FAM217A: variants seen among roughly 807,000 people sequenced by gnomAD.
FAM217A encodes the protein protein FAM217A.
A neutral mutation model predicts 18.5 loss-of-function variants in FAM217A; 13 were observed. The observed-to-expected ratio is 0.70, with a 90% CI of 0.46 to 1.12. FAM217A has a LOEUF of 1.12. Among genes scored for constraint, FAM217A ranks in the 50% most tolerant of loss-of-function variants. The pLI, the probability that FAM217A is intolerant of heterozygous loss-of-function variation, is 0.00. For synonymous variants in FAM217A, 161 were observed against 202.8 expected, an observed-to-expected ratio of 0.79 and a Z score of 1.75; for missense variants, 560 against 575.4, an observed-to-expected ratio of 0.97 and a Z score of 0.27.
At chr6:4,080,644 G>A (rs2783063), upstream of FAM217A, among the ~76,000 whole-genome samples, 1 of 151,918 alleles carries the variant, frequency 6.6e-6, no homozygotes, top group Non-Finnish European at 1.5e-5. Flanking sequence ...TCCTAATGCC[G>A]GAAGGAGGAA....
chr6:4,082,739 T>C (rs913527997), upstream of FAM217A, among the ~76,000 whole-genome samples: 1 of 152,262 alleles, frequency 6.6e-6, no homozygotes, highest in East Asian at 1.9e-4. Flanking sequence ...GTCCATACTT[T>C]GTTGAACCTA....
chr6:4,072,064 C>A (rs999712077), intron 6 of FAM217A, among the ~76,000 whole-genome samples: 13 of 152,144 alleles, frequency 8.5e-5, no homozygotes, highest in African/African-American at 3.1e-4. Flanking sequence ...ATTCAGGGGC[C>A]GGGCACGGTG....
upstream of FAM217A, chr6:4,079,619 G>GCCCCCCCCCCCCCCCCCCCCCC: frequency 1.6e-6 from 2 of 1,281,928 alleles, no homozygotes; most frequent in Non-Finnish European, 2.0e-6. Flanking sequence ...CCGGGGCCCG[G>GCCCCCCCCCCCCCCCCCCCCCC]CCCACCCGCC....
upstream of FAM217A, among the ~76,000 whole-genome samples, chr6:4,081,434 C>A (rs558713831): frequency 1.1e-4 from 16 of 152,206 alleles, no homozygotes; most frequent in East Asian, 2.9e-3. Context: ...CTCCCTAGTT[C>A]CCTAGTAGCT....
chr6:4,069,778 G>C lies in FAM217A; in HGVS notation c.445C>G (p.Leu149Val). The change falls in exon 7 of 7, where the codon CTC becomes GTC. Residue 149 changes from leucine (L) to valine (V), a missense_variant. Transcript: ENST00000274673. ...TCTCCATCAGCATAGGGCCAGCAGA[G>C]ACCTAATGGCATTGGCAGTCCAGGG... is the stretch of plus-strand genomic sequence containing the variant. Reference protein sequence around the residue: ...PYPGLPMPLGLCWPYADGDFF... With the variant: ...PYPGLPMPLGVCWPYADGDFF... 6.2e-7 allele frequency: 1 copy of C among 1,614,148 alleles called. No individual in the cohort carries two copies. The highest frequency in any genetic ancestry group is 8.5e-7 in the Non-Finnish European group (1 of 1,180,020).
chr6:4,077,539 G>A (rs778040222), intron 1 of FAM217A, 91 bp from the exon 2 acceptor site: 53 of 1,078,504 alleles, frequency 4.9e-5, no homozygotes, highest in Non-Finnish European at 7.1e-5. Flanking sequence ...TCTAAAGGAG[G>A]TAAGAGAATG....
At chr6:4,079,273 C>T (rs896216553), upstream of FAM217A, 12 of 162,634 alleles carry the variant, frequency 7.4e-5, no homozygotes, top group South Asian at 1.2e-3. Flanking sequence ...GGTCACCCGG[C>T]CGCCGGGCCC....
At chr6:4,074,945 AT>A (rs1769678878) in intron 2 of FAM217A, among the ~76,000 whole-genome samples, 1 of 152,158 alleles carries the variant, frequency 6.6e-6, no homozygotes, top group Non-Finnish European at 1.5e-5. Context: ...TTCAAAATTG[AT>A]TTTTAAAATG....
At chr6:4,079,470 C>A (rs1490216111), upstream of FAM217A, 2 of 406,344 alleles carry the variant, frequency 4.9e-6, no homozygotes, top group East Asian at 1.8e-4. Flanking sequence ...TTCCCCCAGG[C>A]GTCCTGGACC....
upstream of FAM217A, chr6:4,079,617 C>CCG: frequency 7.8e-7 from 1 of 1,283,896 alleles, no homozygotes; most frequent in Non-Finnish European, 1.0e-6. Flanking sequence ...ACCCGGGGCC[C>CCG]GGCCCACCCG....
chr6:4,074,743 A>G, intron 2 of FAM217A, 82 bp from the exon 3 acceptor site: 1 of 1,046,388 alleles, frequency 9.6e-7, no homozygotes, highest in South Asian at 1.4e-5. Flanking sequence ...CTTGGGGTAA[A>G]GTATGACGAA....
At chr6:4,086,844 A>C (rs1770697842) in intron 1 of FAM217A, among the ~76,000 whole-genome samples, 1 of 152,178 alleles carries the variant, frequency 6.6e-6, no homozygotes. Flanking sequence ...TGTGCTATCA[A>C]GTGTGGTGAT....
chr6:4,073,429 C>T lies in FAM217A; in HGVS notation c.234+4G>A. 4 of 1,610,630 alleles carry T rather than the reference C, an allele frequency of 2.5e-6. No homozygotes were observed. The highest frequency in any genetic ancestry group is 3.4e-6 in the Non-Finnish European group (4 of 1,178,444). On this transcript the variant is annotated splice_donor_region_variant and intron_variant, in intron 5 of 6. Transcript: ENST00000274673. ...TTTTAAGGGTATGAAGAATAAAATCCCACCTGTGTACTTTTTTGACTATGC... is the reference window on the plus strand; with the variant it reads ...TTTTAAGGGTATGAAGAATAAAATCTCACCTGTGTACTTTTTTGACTATGC...
intron 4 of FAM217A, among the ~76,000 whole-genome samples, chr6:4,074,076 T>C (rs773820913): frequency 2.6e-5 from 4 of 152,172 alleles, no homozygotes; most frequent in Non-Finnish European, 5.9e-5. Context: ...GGTCTCAAAC[T>C]CCTGACCTCA....
chr6:4,084,865 G>T, intron 1 of FAM217A: 1 of 689,860 alleles, frequency 1.4e-6, no homozygotes, highest in Non-Finnish European at 2.6e-6. Context: ...TAAAAGATCA[G>T]CCTAACTAGA....
In FAM217A at chr6:4,069,320, AAT is replaced by A. The variant is rs772770662; in HGVS notation, c.901_902del (p.Ile301SerfsTer18). ...LELERLQHMT[I>X]QKERPRLQTT... ...TTTGTAGTCTTGGCCTCTCTTTTTG[AAT>A]AGTCATATGTTGTAATCGTTCTAGT... On this transcript the variant is annotated frameshift_variant, in exon 7 of 7. Coordinates refer to ENST00000274673, the MANE Select transcript of FAM217A (RefSeq NM_173563.3). LOFTEE classifies it low-confidence loss of function (END_TRUNC). 1 of 1,614,100 alleles carries A rather than the reference AAT, an allele frequency of 6.2e-7. No individual in the cohort carries two copies. The highest frequency in any genetic ancestry group is 8.5e-7 in the Non-Finnish European group (1 of 1,180,008).
At chr6:4,070,678 A>G (rs186995511) in intron 6 of FAM217A, among the ~76,000 whole-genome samples, 1 of 152,118 alleles carries the variant, frequency 6.6e-6, no homozygotes, top group African/African-American at 2.4e-5. Flanking sequence ...AGTTGACATT[A>G]AAGATAACAA....
chr6:4,068,827 A>C lies in FAM217A; in HGVS notation c.1396T>G (p.Phe466Val). Residue 466 changes from phenylalanine (F) to valine (V), a missense_variant, in exon 7 of 7, where the codon TTT becomes GTT. By Grantham distance (50) the Phe-to-Val change is conservative. Transcript: ENST00000274673. ...CGGTAAAGTTTCTTTTTGGTCCCAAAGTTTCTCTTCGGTGCCTTAATTTCT... is the reference window on the plus strand; with the variant it reads ...CGGTAAAGTTTCTTTTTGGTCCCAACGTTTCTCTTCGGTGCCTTAATTTCT... The part of the protein sequence containing the change: ...KEEIKAPKRN[F>V]GTKKKLYRQN... 1 of 1,614,162 alleles carries C rather than the reference A, an allele frequency of 6.2e-7. No individual in the cohort carries two copies. The highest frequency in any genetic ancestry group is 1.3e-5 in the African/African-American group (1 of 75,042).
chr6:4,069,689 A>G lies in FAM217A; in HGVS notation c.534T>C (p.Gly178=). ...SSCSTIENND[G]ETLPAPNWNL... is the part of the protein sequence containing the mutation. ...TCCAATTTGGAGCAGGTAATGTTTC[A>G]CCATCATTGTTTTCTATAGTTGAAC... Residue 178 remains glycine, a synonymous_variant, in exon 7 of 7, where the codon GGT becomes GGC. Transcript: ENST00000274673. 6.2e-7 allele frequency: 1 copy of G among 1,614,038 alleles called. No individual in the cohort carries two copies. Among genetic ancestry groups the G allele is most frequent in the Non-Finnish European group, 8.5e-7 (1 of 1,179,988 alleles).
Sources: gnomAD v4.1 joint callset for allele counts (sites outside exome capture counted in the v4.1 genomes callset) on GRCh38, gnomAD v4.1.1 for gene constraint, MANE v1.5 for transcripts, NCBI Gene and HGNC (gene_info 2026-07-23, HGNC 2026-07-21) for gene names.